The following FRMPD1 variants were observed in gnomAD, a reference collection of about 807,000 sequenced individuals.
FRMPD1 encodes the protein FERM and PDZ domain containing 1.
Under a neutral mutation model 117.8 loss-of-function variants are expected in FRMPD1, and 76 were observed. That is an observed-to-expected ratio of 0.65 (90% CI 0.54 to 0.78). The LOEUF is 0.78. Ranked by LOEUF, FRMPD1 falls within the 30% of genes least tolerant of loss-of-function variation. FRMPD1 has a pLI of 0.00. For missense variants in FRMPD1, 1,786 were observed against 1,964.5 expected (o/e 0.91, Z 1.72); for synonymous variants, 783 against 770.4 (o/e 1.02, Z -0.27).
chr9:37,690,551 C>G lies in FRMPD1; in HGVS notation c.-4-2087C>G, dbSNP rs143140889. On this transcript the variant is annotated intron_variant, in intron 1 of 15. Transcript: ENST00000377765. ...TAATTGGAAACTTTGTATGATGGGT[C>G]TGGCTCATTGATTAATACATTTCAA... 1.3e-4 allele frequency among the ~76,000 whole-genome samples: 20 copies of G among 152,228 alleles called. No individual in the cohort carries two copies. In the East Asian group the frequency reaches 3.7e-3, roughly 28 times the overall value.
Position 37,711,706 on chromosome 9 carries a change from G to T in FRMPD1, c.408+311G>T, listed in dbSNP as rs568688118. ...GTTTCAAGACAGGTTTGAGTGGTAT[G>T]ACTTTGGGAAAATCATTTAGTTTCA... On this transcript the variant is annotated intron_variant, in intron 5 of 15. Transcript: ENST00000377765. 5.4e-4 allele frequency among the ~76,000 whole-genome samples: 82 copies of T among 152,342 alleles called. 1 individual carries two copies. The South Asian group carries it at 0.017, about 31-fold the overall frequency.
At chr9:37,655,805 C>A (rs919829319) in intron 1 of FRMPD1, among the ~76,000 whole-genome samples, 18 of 152,032 alleles carry the variant, frequency 1.2e-4, no homozygotes, top group African/African-American at 4.3e-4. Context: ...GCCCAGCCTC[C>A]CAACTCTTAA....
chr9:37,723,296 C>T (rs62533907), intron 6 of FRMPD1, among the ~76,000 whole-genome samples: 2,105 of 152,266 alleles, frequency 0.014, 27 homozygotes, highest in Non-Finnish European at 0.018. Flanking sequence ...AGCAGTAAAA[C>T]GTGAGCTGAT....
chr9:37,659,667 G>A (rs988108316), intron 1 of FRMPD1, among the ~76,000 whole-genome samples: 2 of 151,992 alleles, frequency 1.3e-5, no homozygotes, highest in Non-Finnish European at 2.9e-5. Flanking sequence ...GAATTTGAGG[G>A]AAATTATATT....
intron 2 of FRMPD1, 63 bp downstream of exon 2, chr9:37,692,805 G>T: frequency 1.7e-6 from 2 of 1,167,938 alleles, no homozygotes; most frequent in East Asian, 2.3e-5. Context: ...GGAGGAGCTT[G>T]TGCTGGTCCT....
intron 2 of FRMPD1, among the ~76,000 whole-genome samples, chr9:37,695,693 A>G (rs902212825): frequency 7.9e-5 from 12 of 152,122 alleles, no homozygotes; most frequent in Admixed American, 5.9e-4. Context: ...TTGCCTGGTC[A>G]AGAAACCTGA....
chr9:37,617,192 G>A, the FRMPD1 span, among the ~76,000 whole-genome samples: 4 of 151,616 alleles, frequency 2.6e-5, no homozygotes, highest in Non-Finnish European at 5.9e-5. Flanking sequence ...AAGCAGGTCT[G>A]TTTGGCTGCA....
rs369939972 is a variant in FRMPD1, at chr9:37,715,655, T to C, written c.409-3414T>C. 2.9e-3 allele frequency: 1,312 copies of C among 456,290 alleles called. 30 individuals are homozygous for C. Among genetic ancestry groups the C allele is most frequent in the South Asian group, 0.02 (1,290 of 64,558 alleles). 28.3% of individuals were successfully genotyped at this position (456,290 alleles called of 1,614,324 possible). ...TAGCTCATATCCTTTGAATTGTCTCTTTAAAATATGAGATGGCTGAAGTGG... is the reference window on the plus strand; with the variant it reads ...TAGCTCATATCCTTTGAATTGTCTCCTTAAAATATGAGATGGCTGAAGTGG... On this transcript the variant is annotated intron_variant, in intron 5 of 15. Coordinates refer to ENST00000377765, the MANE Select transcript of FRMPD1 (RefSeq NM_014907.3).
chr9:37,648,777 G>C (rs1820583724), upstream of FRMPD1, among the ~76,000 whole-genome samples: 1 of 152,122 alleles, frequency 6.6e-6, no homozygotes, highest in African/African-American at 2.4e-5. Context: ...AATGCAAAAG[G>C]GGTAATTTGG....
chr9:37,676,774 G>A (rs10814595), intron 1 of FRMPD1, among the ~76,000 whole-genome samples: 95,505 of 152,036 alleles, frequency 0.63, 31,701 homozygotes, highest in African/African-American at 0.85. Flanking sequence ...AGAGATGAGC[G>A]AGACACACAC....
At chr9:37,629,519 G>A in the FRMPD1 span, among the ~76,000 whole-genome samples, 13 of 152,240 alleles carry the variant, frequency 8.5e-5, no homozygotes, top group South Asian at 6.2e-4. Flanking sequence ...TTGTAGGCAC[G>A]CCAATTGCAT....
chr9:37,672,900 C>T (rs946745448), intron 1 of FRMPD1, among the ~76,000 whole-genome samples: 1 of 152,146 alleles, frequency 6.6e-6, no homozygotes. Context: ...TTACCTCCCT[C>T]TAGGTCCCTC....
At chr9:37,656,231 A>G (rs991368534) in intron 1 of FRMPD1, among the ~76,000 whole-genome samples, 1 of 152,214 alleles carries the variant, frequency 6.6e-6, no homozygotes, top group Non-Finnish European at 1.5e-5. Flanking sequence ...GTCAAGCCAG[A>G]AACATGAGGC....
intron 12 of FRMPD1, among the ~76,000 whole-genome samples, chr9:37,734,408 G>GA (rs1824028941): frequency 6.6e-6 from 1 of 152,052 alleles, no homozygotes; most frequent in Non-Finnish European, 1.5e-5. Context: ...CCTGAGAAGA[G>GA]AAACGAGAAG....
At chr9:37,647,107 C>T (rs936620852), upstream of FRMPD1, among the ~76,000 whole-genome samples, 2 of 152,212 alleles carry the variant, frequency 1.3e-5, no homozygotes, top group African/African-American at 4.8e-5. Flanking sequence ...AACCACATAG[C>T]AATATGAGAA....
chr9:37,656,458 G>A (rs899579043), intron 1 of FRMPD1, among the ~76,000 whole-genome samples: 2 of 152,212 alleles, frequency 1.3e-5, no homozygotes, highest in Middle Eastern at 3.4e-3. Context: ...TTATAAAAGC[G>A]TTCCTTACTG....
chr9:37,682,182 G>C (rs1563929281), intron 1 of FRMPD1, among the ~76,000 whole-genome samples: 2 of 152,226 alleles, frequency 1.3e-5, no homozygotes, highest in African/African-American at 4.8e-5. Context: ...ATGGGCCTTG[G>C]GTTCCCCTTG....
chr9:37,672,633 C>T (rs1231414651), intron 1 of FRMPD1, among the ~76,000 whole-genome samples: 1 of 152,114 alleles, frequency 6.6e-6, no homozygotes, highest in Non-Finnish European at 1.5e-5. Context: ...TAGCAAGTGG[C>T]ATGGCTGAGA....
At chr9:37,644,809 A>G in the FRMPD1 span, among the ~76,000 whole-genome samples, 87 of 152,296 alleles carry the variant, frequency 5.7e-4, no homozygotes, top group Non-Finnish European at 1.6e-4. Flanking sequence ...TGTTGAGAGA[A>G]TAAGATGAGA....
Sources: allele counts gnomAD v4.1 joint callset (sites outside exome capture counted in the v4.1 genomes callset), GRCh38; gene constraint gnomAD v4.1.1; transcripts MANE v1.5; gene names NCBI Gene and HGNC (gene_info 2026-07-23, HGNC 2026-07-21).